AP2A1: variants seen among roughly 807,000 people sequenced by gnomAD.
AP2A1 encodes the protein adaptor related protein complex 2 subunit alpha 1.
AP2A1 carries 21 observed loss-of-function variants against 107.3 expected under a neutral mutation model. The ratio of observed to expected loss-of-function variants is 0.20; its 90% confidence interval spans 0.14 to 0.28. AP2A1 has a LOEUF of 0.28. AP2A1 is among the 10% of genes least tolerant of loss of function. AP2A1 has a pLI of 1.00. For missense variants in AP2A1, 873 were observed against 1,307.7 expected, an observed-to-expected ratio of 0.67 and a Z score of 5.13; for synonymous variants, 602 against 564.8, an observed-to-expected ratio of 1.07 and a Z score of -0.93.
At position 49,799,403 on chromosome 19, in the gene AP2A1, C is replaced by T. The variant is rs1381716749; in HGVS notation, c.1042C>T (p.Leu348=). Residue 348 remains leucine, a synonymous_variant, in exon 9 of 23, where the codon CTG becomes TTG. Coordinates refer to ENST00000354293, the MANE Select transcript of AP2A1 (RefSeq NM_130787.3). The part of the protein sequence containing the change: ...LQHRETNLRY[L]ALESMCTLAS... The stretch of plus-strand genomic sequence containing the variant: ...GCACCGGGAGACCAACCTGCGCTAC[C>T]TGGCCCTGGAGAGCATGTGCACGCT... The T allele has an allele frequency of 6.2e-7, 1 of 1,612,548 alleles. No individual in the cohort carries two copies.
Position 49,782,077 on chromosome 19 carries a change from A to G in AP2A1, c.267A>G (p.Thr89=), listed in dbSNP as rs1424201784. The change falls in exon 3 of 23, where the codon ACA becomes ACG. Residue 89 remains threonine (T), a synonymous_variant. Coordinates refer to ENST00000354293, the MANE Select transcript of AP2A1 (RefSeq NM_130787.3). The part of the protein sequence containing the change: ...AVNLLSSNKY[T]EKQIGYLFIS... ...ATCTGTTGAGTTCCAATAAATACAC[A>G]GAGAAGCAAATAGTGAGTCTGGAGA... 4 of 1,542,674 alleles carry G rather than the reference A, an allele frequency of 2.6e-6. No individual in the cohort carries two copies. The highest frequency in any genetic ancestry group is 1.8e-6 in the Non-Finnish European group (2 of 1,141,186).
chr19:49,801,522 C>A lies in AP2A1; in HGVS notation c.1686C>A (p.Val562=). Residue 562 remains valine (V), a synonymous_variant, in exon 13 of 23, where the codon GTC becomes GTA. Transcript: ENST00000354293. The part of the protein sequence containing the change: ...FPETKATIQG[V]LRAGSQLRNA... The stretch of plus-strand genomic sequence containing the variant: ...AGACCAAGGCCACCATCCAGGGCGT[C>A]CTGCGGGCCGGCTCCCAGCTGCGCA... 3 of 1,613,662 alleles carry A rather than the reference C, an allele frequency of 1.9e-6. No individual in the cohort carries two copies. Among genetic ancestry groups the A allele is most frequent in the Non-Finnish European group, 2.5e-6 (3 of 1,179,836 alleles).
At chr19:49,790,555 C>T (rs1436138212) in intron 4 of AP2A1, among the ~76,000 whole-genome samples, 2 of 152,146 alleles carry the variant, frequency 1.3e-5, no homozygotes, top group African/African-American at 2.4e-5. Flanking sequence ...TGCGCCACCA[C>T]GCTTGGCTAA....
At chr19:49,787,217 T>C (rs1460465240) in intron 4 of AP2A1, among the ~76,000 whole-genome samples, 2 of 151,754 alleles carry the variant, frequency 1.3e-5, no homozygotes, top group Non-Finnish European at 2.9e-5. Context: ...GGTTTTGCTA[T>C]GTTGCCCAGG....
chr19:49,794,201 A>G (rs1488071748), intron 6 of AP2A1, among the ~76,000 whole-genome samples: 1 of 130,234 alleles, frequency 7.7e-6, no homozygotes, highest in East Asian at 2.3e-4. Flanking sequence ...CGCCTGGCCC[A>G]CTCATTGTTT....
At position 49,806,163 on chromosome 19, in the gene AP2A1, C is replaced by T. The variant is rs757209939; in HGVS notation, c.2700C>T (p.Asn900=). 13 of 1,580,402 alleles carry T rather than the reference C, an allele frequency of 8.2e-6. No individual in the cohort carries two copies. Among genetic ancestry groups the T allele is most frequent in the East Asian group, 2.3e-5 (1 of 42,904 alleles). The part of the protein sequence containing the change: ...GSALLDNVDP[N]PENFVGAGII... ...CTCTCCTGGACAATGTGGACCCCAA[C>T]CCTGAGAACTTCGTGGGGGCGGGGA... is the stretch of plus-strand genomic sequence containing the variant. The change falls in exon 22 of 23, where the codon AAC becomes AAT. Residue 900 remains asparagine, a synonymous_variant. Transcript: ENST00000354293.
chr19:49,767,977 C>A (rs960263283), intron 1 of AP2A1, among the ~76,000 whole-genome samples: 1 of 150,728 alleles, frequency 6.6e-6, no homozygotes, highest in African/African-American at 2.4e-5. Flanking sequence ...TGACAGGGAA[C>A]GGGGGGCCAG....
intron 1 of AP2A1, among the ~76,000 whole-genome samples, chr19:49,780,044 C>T (rs1316439187): frequency 6.6e-6 from 1 of 152,244 alleles, no homozygotes; most frequent in Non-Finnish European, 1.5e-5. Flanking sequence ...GTCATTGACT[C>T]ATTTGTTGAA....
In AP2A1 at chr19:49,803,070, AG is replaced by A. The variant is rs773245994; in HGVS notation, c.2172-35del. 3 of 1,613,448 alleles carry A rather than the reference AG, an allele frequency of 1.9e-6. No individual in the cohort carries two copies. In the South Asian group the frequency reaches 3.3e-5, roughly 18 times the overall value. On this transcript the variant is annotated intron_variant, in intron 16 of 22. Coordinates refer to ENST00000354293, the MANE Select transcript of AP2A1 (RefSeq NM_130787.3). ...TGCGGAGCCCAGGCCAGGTGCAGAC[AG>A]GCACCCCCGTCATCTTGCGCCCCCT...
intron 5 of AP2A1, among the ~76,000 whole-genome samples, chr19:49,792,627 C>A (rs1032132001): frequency 1.3e-5 from 2 of 152,074 alleles, no homozygotes; most frequent in African/African-American, 4.8e-5. Flanking sequence ...AAATCCCACT[C>A]TGTTTCTAAT....
At chr19:49,806,295 GC>G (rs1568591923) in intron 22 of AP2A1, 42 bp downstream of exon 22, 1 of 1,553,334 alleles carries the variant, frequency 6.4e-7, no homozygotes, top group Non-Finnish European at 8.7e-7. Flanking sequence ...CAGGAAGGCC[GC>G]CTGTCATCTC....
At chr19:49,802,424 C>T (rs760562556) in intron 15 of AP2A1, 3 of 1,118,178 alleles carry the variant, frequency 2.7e-6, no homozygotes, top group Non-Finnish European at 3.9e-6. Context: ...CTCTCCTTCC[C>T]TCTTCCGTCC....
In AP2A1 at chr19:49,782,044, G is replaced by A; in HGVS notation, c.234G>A (p.Glu78=). 1 of 1,586,776 alleles carries A rather than the reference G, an allele frequency of 6.3e-7. No individual in the cohort carries two copies. Among genetic ancestry groups the A allele is most frequent in the South Asian group, 1.1e-5 (1 of 87,390 alleles). The change falls in exon 3 of 23, where the codon GAG becomes GAA. Residue 78 remains glutamate (E), a synonymous_variant. Coordinates refer to ENST00000354293, the MANE Select transcript of AP2A1 (RefSeq NM_130787.3). The part of the protein sequence containing the change: ...LGHDIDFGHM[E]AVNLLSSNKY... ...ATGACATTGACTTTGGGCACATGGAGGCTGTGAATCTGTTGAGTTCCAATA... is the reference window on the plus strand; with the variant it reads ...ATGACATTGACTTTGGGCACATGGAAGCTGTGAATCTGTTGAGTTCCAATA...
intron 1 of AP2A1, among the ~76,000 whole-genome samples, chr19:49,773,329 G>C (rs149055988): frequency 6.6e-6 from 1 of 152,172 alleles, no homozygotes; most frequent in Non-Finnish European, 1.5e-5. Context: ...CAATGGGAGC[G>C]GGGTGCTGGC....
At chr19:49,794,135 C>T (rs1297051583) in intron 6 of AP2A1, among the ~76,000 whole-genome samples, 7 of 151,638 alleles carry the variant, frequency 4.6e-5, no homozygotes, top group African/African-American at 9.7e-5. Flanking sequence ...CTCCTGACCT[C>T]GTGATCCACC....
chr19:49,777,143 G>C (rs2084625270), intron 1 of AP2A1, among the ~76,000 whole-genome samples: 1 of 151,878 alleles, frequency 6.6e-6, no homozygotes, highest in Non-Finnish European at 1.5e-5. Context: ...GCTGAGGTAG[G>C]AGAATCGCTT....
At chr19:49,795,594 C>T (rs1249061025) in intron 6 of AP2A1, 36 bp from the exon 7 acceptor site, 1 of 923,220 alleles carries the variant, frequency 1.1e-6, no homozygotes. Context: ...CCCTCCCACC[C>T]CAGCCCCCAA....
chr19:49,799,910 G>T (rs570465699), intron 10 of AP2A1, 58 bp from the exon 11 acceptor site: 1 of 1,592,816 alleles, frequency 6.3e-7, no homozygotes, highest in Non-Finnish European at 8.6e-7. Context: ...CCAGATCCAG[G>T]TGAGTGAAAG....
In AP2A1 at chr19:49,798,822, C is replaced by T. The variant is rs1188956541; in HGVS notation, c.835C>T (p.Arg279Trp). ...PPPEDAAVKGRLVECLETVLN... is the reference protein window; with the variant it reads ...PPPEDAAVKGWLVECLETVLN... ...CCCAGAGGATGCGGCTGTGAAGGGG[C>T]GGCTGGTGGAATGTCTGGAGACTGT... Residue 279 changes from arginine (R) to tryptophan (W), a missense_variant, in exon 8 of 23, where the codon CGG becomes TGG. Physicochemically the swap from Arg to Trp is moderately radical, Grantham distance 101. Transcript: ENST00000354293. The T allele has an allele frequency of 2.5e-6, 4 of 1,603,780 alleles. No homozygotes were observed. The highest frequency in any genetic ancestry group is 3.4e-6 in the Non-Finnish European group (4 of 1,175,450).
Sources: allele counts gnomAD v4.1 joint callset (sites outside exome capture counted in the v4.1 genomes callset), GRCh38; gene constraint gnomAD v4.1.1; transcripts MANE v1.5; gene names NCBI Gene and HGNC (gene_info 2026-07-23, HGNC 2026-07-21).